The following CCDC60 variants were observed in gnomAD, a reference collection of about 807,000 sequenced individuals.
The protein encoded by CCDC60 is coiled-coil domain containing 60, also known as coiled-coil domain-containing protein 60.
CCDC60 carries 54 observed loss-of-function variants against 63.5 expected under a neutral mutation model. The observed-to-expected ratio is 0.85, with a 90% confidence interval of 0.68 to 1.07. The LOEUF is 1.07. Among genes scored for constraint, CCDC60 ranks in the 50% least tolerant of loss-of-function variants. The pLI, the probability that CCDC60 is intolerant of heterozygous loss-of-function variation, is 0.00. For missense variants in CCDC60, 651 were observed against 684.3 expected (o/e 0.95, Z 0.54); for synonymous variants, 206 against 238.8 (o/e 0.86, Z 1.27).
At chr12:119,465,485 AGGT>A (rs1204422084) in intron 2 of CCDC60, among the ~76,000 whole-genome samples, 1 of 150,834 alleles carries the variant, frequency 6.6e-6, no homozygotes, top group Non-Finnish European at 1.5e-5. Context: ...AGACCGGGCG[AGGT>A]GGTTCACACC....
intron 8 of CCDC60, among the ~76,000 whole-genome samples, chr12:119,519,025 G>A (rs1340272687): frequency 2.6e-5 from 4 of 152,156 alleles, no homozygotes; most frequent in African/African-American, 9.7e-5. Context: ...CTAATCTTTT[G>A]CTAAGGCAGC....
chr12:119,524,716 C>CTTTTTTTTTTTTTTTTTTTTTTT lies in CCDC60; in HGVS notation c.1229+902_1229+903insTTTTTTTTTTTTTTTTTTTTTTT, dbSNP rs1416953138. ...AGGAAACAGCAGTTTCTTTTCTTTTCTTTTCTTTTTTTTTTTTTTTTTTTG... is the reference window on the plus strand; with the variant it reads ...AGGAAACAGCAGTTTCTTTTCTTTTCTTTTTTTTTTTTTTTTTTTTTTTTTTTCTTTTTTTTTTTTTTTTTTTG... On this transcript the variant is annotated intron_variant, in intron 11 of 13. Coordinates refer to ENST00000327554, the MANE Select transcript of CCDC60 (RefSeq NM_178499.5). Among the ~76,000 whole-genome samples the CTTTTTTTTTTTTTTTTTTTTTTT allele has an allele frequency of 5.7e-4, 52 of 90,560 alleles. 3 individuals are homozygous for CTTTTTTTTTTTTTTTTTTTTTTT. The highest frequency in any genetic ancestry group is 2.5e-3 in the African/African-American group (47 of 18,828). 59.4% of individuals were successfully genotyped at this position (90,560 alleles called of 152,430 possible).
At chr12:119,498,323 T>A (rs1466347771) in intron 5 of CCDC60, among the ~76,000 whole-genome samples, 3 of 151,948 alleles carry the variant, frequency 2.0e-5, no homozygotes, top group African/African-American at 7.2e-5. Context: ...AGCAGTTCTG[T>A]TCATCCTCTT....
At chr12:119,461,761 G>C (rs1409535964) in intron 2 of CCDC60, among the ~76,000 whole-genome samples, 3 of 152,162 alleles carry the variant, frequency 2.0e-5, no homozygotes, top group Admixed American at 2.0e-4. Context: ...GGAGGCCCCA[G>C]GTGAGTGGAT....
At chr12:119,434,984 T>C (rs781044802) in intron 2 of CCDC60, among the ~76,000 whole-genome samples, 2 of 152,206 alleles carry the variant, frequency 1.3e-5, no homozygotes, top group Admixed American at 6.5e-5. Flanking sequence ...ATAGAGGCTA[T>C]GGTGAAAGAT....
In CCDC60 at chr12:119,451,588, C is replaced by A. The variant is rs149457076; in HGVS notation, c.171-20406C>A. ...CAGAAAAATAATCCCTAATGCCAAGCCATGGACATCAGGAGTGGAAGTCTC... is the reference window on the plus strand; with the variant it reads ...CAGAAAAATAATCCCTAATGCCAAGACATGGACATCAGGAGTGGAAGTCTC... On this transcript the variant is annotated intron_variant, in intron 2 of 13. Coordinates refer to ENST00000327554, the MANE Select transcript of CCDC60 (RefSeq NM_178499.5). 6.8e-3 allele frequency among the ~76,000 whole-genome samples: 1,039 copies of A among 152,234 alleles called. 3 individuals are homozygous for A. The highest frequency in any genetic ancestry group is 0.012 in the Non-Finnish European group (834 of 68,026).
intron 13 of CCDC60, among the ~76,000 whole-genome samples, chr12:119,535,748 A>T (rs754481885): frequency 1.3e-5 from 2 of 152,098 alleles, no homozygotes; most frequent in Non-Finnish European, 2.9e-5. Context: ...TTAATCCTGA[A>T]TTCTAATTTG....
chr12:119,490,528 A>G (rs1229252258), intron 5 of CCDC60, among the ~76,000 whole-genome samples: 1 of 152,054 alleles, frequency 6.6e-6, no homozygotes, highest in East Asian at 1.9e-4. Context: ...AATTTCCTTG[A>G]AAACCACAGC....
chr12:119,344,114 A>G (rs1955561544), intron 1 of CCDC60, among the ~76,000 whole-genome samples: 1 of 152,136 alleles, frequency 6.6e-6, no homozygotes. Context: ...ATTTGGCACT[A>G]TTGAACATTT....
chr12:119,404,332 C>T (rs1024809390), intron 1 of CCDC60, among the ~76,000 whole-genome samples: 7 of 152,134 alleles, frequency 4.6e-5, no homozygotes, highest in African/African-American at 1.7e-4. Flanking sequence ...TCTGACTGTC[C>T]TCCACCCTTG....
At chr12:119,413,489 C>T (rs1463719008) in intron 1 of CCDC60, among the ~76,000 whole-genome samples, 1 of 152,150 alleles carries the variant, frequency 6.6e-6, no homozygotes, top group Non-Finnish European at 1.5e-5. Context: ...ATTTTTCATT[C>T]ATAGCTCATA....
rs1212405886 is a variant in CCDC60 at position 119,410,111 on chromosome 12, CAG to C, written c.91-18571_91-18570del. 6.6e-6 allele frequency among the ~76,000 whole-genome samples: 1 copy of C among 152,038 alleles called. No individual in the cohort carries two copies. Among genetic ancestry groups the C allele is most frequent in the African/African-American group, 2.4e-5 (1 of 41,402 alleles). ...CGCTCTCCAAGATACATTGTTATGT[CAG>C]GGGAAATCAGGACACAAACAGTGCT... On this transcript the variant is annotated intron_variant, in intron 1 of 13. Transcript: ENST00000327554. This position sits in a 1 kb window ranked among gnomAD's most constrained non-coding sequence, Gnocchi z 4.0.
intron 2 of CCDC60, among the ~76,000 whole-genome samples, chr12:119,432,324 G>C (rs1185696331): frequency 6.6e-6 from 1 of 152,212 alleles, no homozygotes; most frequent in Admixed American, 6.5e-5. Flanking sequence ...ATTGCACTCT[G>C]TTCCACAGCT....
intron 1 of CCDC60, among the ~76,000 whole-genome samples, chr12:119,344,700 G>A (rs1337845118): frequency 6.6e-6 from 1 of 152,130 alleles, no homozygotes; most frequent in African/African-American, 2.4e-5. Context: ...AAAAGTCTCT[G>A]CATGATCTGG....
At chr12:119,388,721 C>T (rs1326381218) in intron 1 of CCDC60, among the ~76,000 whole-genome samples, 3 of 152,184 alleles carry the variant, frequency 2.0e-5, no homozygotes, top group Non-Finnish European at 2.9e-5. Flanking sequence ...AGAATAAACA[C>T]TTAAATTATG....
intron 1 of CCDC60, among the ~76,000 whole-genome samples, chr12:119,356,490 A>G (rs747135983): frequency 5.3e-5 from 8 of 152,198 alleles, no homozygotes; most frequent in Non-Finnish European, 1.0e-4. Flanking sequence ...ACTCATGTCA[A>G]TCTTTTATGA....
rs531967218 is a variant in CCDC60 at position 119,404,583 on chromosome 12, C to T, written c.91-24100C>T. Among the ~76,000 whole-genome samples, 6 of 152,338 alleles carry T rather than the reference C, an allele frequency of 3.9e-5. No homozygotes were observed. In the South Asian group the frequency reaches 1.2e-3, roughly 32 times the overall value. On this transcript the variant is annotated intron_variant, in intron 1 of 13. Coordinates refer to ENST00000327554, the MANE Select transcript of CCDC60 (RefSeq NM_178499.5). ...CTGGACAGTGAGGATGATTTATTGA[C>T]AAGTCCACAGGTCAGAAGAGCAAGG... is the stretch of plus-strand genomic sequence containing the variant.
intron 1 of CCDC60, among the ~76,000 whole-genome samples, chr12:119,373,709 G>T (rs1413107134): frequency 1.3e-5 from 2 of 151,978 alleles, no homozygotes; most frequent in Admixed American, 6.5e-5. Context: ...ATGAGATGGG[G>T]GGCGTCCCCC....
intron 1 of CCDC60, among the ~76,000 whole-genome samples, chr12:119,347,749 G>A (rs1394252202): frequency 3.3e-5 from 5 of 152,276 alleles, no homozygotes; most frequent in African/African-American, 1.2e-4. Context: ...ACTTGGGCAA[G>A]TTACTCTCTG....
Sources: allele counts gnomAD v4.1 joint callset (sites outside exome capture counted in the v4.1 genomes callset), GRCh38; gene constraint gnomAD v4.1.1; non-coding constraint Gnocchi (gnomAD v3.1); transcripts MANE v1.5; gene names NCBI Gene and HGNC (gene_info 2026-07-23, HGNC 2026-07-21).